SCLT1: variants seen among roughly 807,000 people sequenced by gnomAD.
SCLT1 encodes sodium channel and clathrin linker 1.
In SCLT1, 78 loss-of-function variants were observed where a neutral mutation model predicts 112.8. The observed-to-expected ratio is 0.69, with a 90% CI of 0.58 to 0.83. SCLT1 has a LOEUF of 0.83. Ranked by LOEUF, SCLT1 falls within the 40% of genes least tolerant of loss-of-function variation. The pLI is 0.00. For synonymous variants in SCLT1, 257 were observed against 254.7 expected, an observed-to-expected ratio of 1.01 and a Z score of -0.09; for missense variants, 747 against 770.4, an observed-to-expected ratio of 0.97 and a Z score of 0.36.
chr4:128,891,229 A>G (rs1942000120), intron 18 of SCLT1, 92 bp from the exon 19 acceptor site: 2 of 921,908 alleles, frequency 2.2e-6, no homozygotes, highest in South Asian at 2.9e-5. Context: ...GATTTGAACA[A>G]AAATATCATC....
intron 18 of SCLT1, among the ~76,000 whole-genome samples, chr4:128,903,306 C>T (rs1239726296): frequency 8.5e-5 from 13 of 152,144 alleles, no homozygotes; most frequent in Non-Finnish European, 1.2e-4. Context: ...CGTCACTACG[C>T]AACAGGAATT....
chr4:128,922,437 T>C (rs1322875187), intron 18 of SCLT1, among the ~76,000 whole-genome samples: 3 of 152,102 alleles, frequency 2.0e-5, no homozygotes, highest in African/African-American at 4.8e-5. Context: ...TAAAAAAATA[T>C]GGTATATATA....
intron 5 of SCLT1, chr4:129,038,025 T>G (rs909758910): frequency 1.3e-5 from 2 of 152,546 alleles, no homozygotes; most frequent in Admixed American, 1.3e-4. Context: ...TCCCAGCTAC[T>G]GGGGAGGCTG....
chr4:128,979,610 G>A (rs1741475037), intron 9 of SCLT1, among the ~76,000 whole-genome samples: 1 of 152,264 alleles, frequency 6.6e-6, no homozygotes, highest in Non-Finnish European at 1.5e-5. Flanking sequence ...AATGGATTAA[G>A]ACAATGGCAG....
intron 3 of SCLT1, 126 bp downstream of exon 3, chr4:129,043,867 C>T: frequency 6.6e-6 from 4 of 606,100 alleles, no homozygotes; most frequent in African/African-American, 1.9e-5. Context: ...TTTTTCTTGT[C>T]AATTCAAGAA....
In SCLT1 at chr4:129,039,035, A is replaced by AT; in HGVS notation, c.290+5dup. The AT allele has an allele frequency of 2.0e-6, 3 of 1,487,438 alleles. No homozygotes were observed. The highest frequency in any genetic ancestry group is 2.8e-6 in the Non-Finnish European group (3 of 1,066,156). The allele number at this position is 1,487,438 out of a possible 1,614,324, so 92.1% of individuals were successfully genotyped here. The stretch of plus-strand genomic sequence containing the variant: ...AAAAGATAAAACCAATAGTTAATTG[A>AT]TTTACCTTTCATTTTCCTTGATGAC... On this transcript the variant is annotated splice_donor_region_variant and intron_variant, in intron 5 of 20. Coordinates refer to ENST00000281142, the MANE Select transcript of SCLT1 (RefSeq NM_144643.4).
chr4:129,045,914 C>T (rs906259392), intron 2 of SCLT1, among the ~76,000 whole-genome samples: 2 of 151,878 alleles, frequency 1.3e-5, no homozygotes, highest in Non-Finnish European at 1.5e-5. Flanking sequence ...AGTCCTTATC[C>T]ATTGGATGGA....
chr4:129,029,850 C>T (rs1259722570), intron 5 of SCLT1, among the ~76,000 whole-genome samples: 1 of 151,982 alleles, frequency 6.6e-6, no homozygotes. Flanking sequence ...ACTTAGGCTC[C>T]CATACAATAC....
At chr4:129,019,692 T>TGGCTGGTATG (rs1745288536) in intron 5 of SCLT1, among the ~76,000 whole-genome samples, 1 of 151,336 alleles carries the variant, frequency 6.6e-6, no homozygotes, top group Admixed American at 6.6e-5. Flanking sequence ...TCTAGACAAC[T>TGGCTGGTATG]GGCTGGTATG....
intron 1 of SCLT1, among the ~76,000 whole-genome samples, chr4:129,083,193 A>AC (rs1393226951): frequency 6.6e-6 from 1 of 150,944 alleles, no homozygotes; most frequent in Non-Finnish European, 1.5e-5. Flanking sequence ...TCTGAAAAAA[A>AC]AAAAAAAAAA....
At chr4:128,874,300 A>G (rs1038884415) in intron 5 of SCLT1, 1 of 152,618 alleles carries the variant, frequency 6.6e-6, no homozygotes, top group African/African-American at 2.4e-5. Context: ...TTGTCAAGCC[A>G]TAGAAAGAAA....
intron 5 of SCLT1, among the ~76,000 whole-genome samples, chr4:129,019,873 A>ATT (rs34589320): frequency 1.3e-5 from 2 of 148,318 alleles, no homozygotes; most frequent in Middle Eastern, 3.5e-3. Flanking sequence ...AATCATACAC[A>ATT]TTTTTTTTTT....
At chr4:129,004,925 T>A (rs1002477725) in intron 5 of SCLT1, among the ~76,000 whole-genome samples, 12 of 151,704 alleles carry the variant, frequency 7.9e-5, no homozygotes, top group Admixed American at 7.9e-4. Context: ...TATTTTTAAA[T>A]ATCTAACAGT....
In SCLT1 at chr4:128,999,773, G is replaced by C. The variant is rs764827774; in HGVS notation, c.448C>G (p.Leu150Val). ...ANQEKTQAVELWQTVSQELDR... is the reference protein window; with the variant it reads ...ANQEKTQAVEVWQTVSQELDR... ...AACTCCTGAGAAACAGTCTGCCAGAGTTCCACAGCCTGAGTTTTTTCCTAT... is the reference window on the plus strand; with the variant it reads ...AACTCCTGAGAAACAGTCTGCCAGACTTCCACAGCCTGAGTTTTTTCCTAT... Residue 150 changes from leucine (L) to valine (V), a missense_variant, in exon 7 of 21, where the codon CTC becomes GTC. Coordinates refer to ENST00000281142, the MANE Select transcript of SCLT1 (RefSeq NM_144643.4). 6.2e-7 allele frequency: 1 copy of C among 1,600,328 alleles called. No individual in the cohort carries two copies. Among genetic ancestry groups the C allele is most frequent in the South Asian group, 1.1e-5 (1 of 88,984 alleles).
At chr4:129,076,589 A>G (rs1751481501) in intron 2 of SCLT1, among the ~76,000 whole-genome samples, 1 of 152,094 alleles carries the variant, frequency 6.6e-6, no homozygotes, top group Non-Finnish European at 1.5e-5. Flanking sequence ...AGACCAAAGC[A>G]CTAACCTTAG....
intron 18 of SCLT1, among the ~76,000 whole-genome samples, chr4:128,918,085 C>T (rs1203386570): frequency 6.6e-6 from 1 of 152,150 alleles, no homozygotes; most frequent in Non-Finnish European, 1.5e-5. Context: ...AGTTGAAGTT[C>T]TCACACCCAG....
intron 3 of SCLT1, 148 bp from the exon 4 acceptor site, chr4:129,043,615 T>C: frequency 1.7e-6 from 1 of 573,414 alleles, no homozygotes. Context: ...CCAGGAATTT[T>C]AAATATTTGC....
intron 18 of SCLT1, among the ~76,000 whole-genome samples, chr4:128,894,243 C>A (rs1021435953): frequency 2.0e-5 from 3 of 152,024 alleles, no homozygotes; most frequent in African/African-American, 7.2e-5. Flanking sequence ...CATCTGGCTG[C>A]TTGTCAGTTG....
At chr4:128,958,900 A>G (rs1739439742) in intron 12 of SCLT1, among the ~76,000 whole-genome samples, 1 of 152,156 alleles carries the variant, frequency 6.6e-6, no homozygotes, top group African/African-American at 2.4e-5. Context: ...CCTCTGTAAA[A>G]AGGGAAATAA....
Sources: gnomAD v4.1 joint callset for allele counts (sites outside exome capture counted in the v4.1 genomes callset) on GRCh38, gnomAD v4.1.1 for gene constraint, MANE v1.5 for transcripts, NCBI Gene and HGNC (gene_info 2026-07-23, HGNC 2026-07-21) for gene names.